Variants in ATP8A1 observed in about 807,000 individuals in gnomAD.
The protein encoded by ATP8A1 is phospholipid-transporting ATPase IA.
Under a neutral mutation model 177.7 loss-of-function variants are expected in ATP8A1, and 90 were observed. The observed-to-expected ratio is 0.51, with a 90% confidence interval of 0.43 to 0.60. The LOEUF (loss-of-function observed/expected upper bound fraction) is 0.60. ATP8A1 is among the 20% of genes least tolerant of loss of function. The pLI is 0.00. For missense variants in ATP8A1, 1,072 were observed against 1,392.8 expected, an observed-to-expected ratio of 0.77 and a Z score of 3.67; for synonymous variants, 493 against 485.9, an observed-to-expected ratio of 1.01 and a Z score of -0.19.
chr4:42,596,690 G>GA (rs946762139), intron 6 of ATP8A1, among the ~76,000 whole-genome samples: 19 of 143,348 alleles, frequency 1.3e-4, no homozygotes, highest in Admixed American at 5.5e-4. Flanking sequence ...AAAAAGAAAA[G>GA]AAAAAAGAAA....
At chr4:42,639,864 C>T (rs1563847) in intron 1 of ATP8A1, among the ~76,000 whole-genome samples, 50,007 of 152,160 alleles carry the variant, frequency 0.33, 8,750 homozygotes, top group African/African-American at 0.45. Flanking sequence ...TGTAGTATTT[C>T]AAATAACCTA....
chr4:42,419,580 C>A (rs1713630862), intron 35 of ATP8A1, among the ~76,000 whole-genome samples: 1 of 152,250 alleles, frequency 6.6e-6, no homozygotes, highest in African/African-American at 2.4e-5. Context: ...GGCTCCCAAA[C>A]AGGGGAACAG....
intron 1 of ATP8A1, among the ~76,000 whole-genome samples, chr4:42,642,603 ATG>A (rs1366178122): frequency 6.6e-6 from 1 of 152,156 alleles, no homozygotes; most frequent in Non-Finnish European, 1.5e-5. Context: ...ACACCTACAC[ATG>A]TGTGAGATTG....
chr4:42,424,318 T>A (rs866493741), intron 33 of ATP8A1, among the ~76,000 whole-genome samples: 59 of 152,190 alleles, frequency 3.9e-4, no homozygotes, highest in South Asian at 6.2e-4. Flanking sequence ...AATTCTATTA[T>A]TTATTTGCAA....
Position 42,425,548 on chromosome 4 carries a change from A to AT in ATP8A1, c.3124-1844dup, listed in dbSNP as rs1714502216. Reference sequence around the variant, plus strand: ...CATTAAAGACAGAGAGTCTCTTTGTATTTTTTGGATGAAGAGGGGGGGAAA... The same window carrying AT: ...CATTAAAGACAGAGAGTCTCTTTGTATTTTTTTGGATGAAGAGGGGGGGAAA... On this transcript the variant is annotated intron_variant, in intron 33 of 36. Coordinates refer to ENST00000381668, the MANE Select transcript of ATP8A1 (RefSeq NM_006095.2). Among the ~76,000 whole-genome samples, 4 of 152,118 alleles carry AT rather than the reference A, an allele frequency of 2.6e-5. No individual in the cohort carries two copies. In the South Asian group the frequency reaches 8.3e-4, roughly 32 times the overall value.
At chr4:42,635,760 C>CAT (rs761082956) in intron 1 of ATP8A1, among the ~76,000 whole-genome samples, 13,407 of 61,522 alleles carry the variant, frequency 0.22, 1,552 homozygotes, top group African/African-American at 0.34. Context: ...TATATACACA[C>CAT]ACACACACAC....
intron 1 of ATP8A1, among the ~76,000 whole-genome samples, chr4:42,639,640 T>C (rs1029346009): frequency 6.6e-6 from 1 of 152,220 alleles, no homozygotes; most frequent in Non-Finnish European, 1.5e-5. Context: ...TACATATATG[T>C]ATGTGTAGGT....
intron 31 of ATP8A1, among the ~76,000 whole-genome samples, chr4:42,446,154 A>G (rs747492412): frequency 6.6e-6 from 1 of 151,226 alleles, no homozygotes; most frequent in East Asian, 2.0e-4. Flanking sequence ...TGAGACCTGG[A>G]TACTGTAAAG....
chr4:42,424,449 G>A (rs906553714), intron 33 of ATP8A1, among the ~76,000 whole-genome samples: 1 of 151,930 alleles, frequency 6.6e-6, no homozygotes, highest in East Asian at 1.9e-4. Context: ...TTTATCAAGA[G>A]GAAATTTTTA....
intron 20 of ATP8A1, among the ~76,000 whole-genome samples, chr4:42,527,833 T>C (rs1726836302): frequency 6.6e-6 from 1 of 152,176 alleles, no homozygotes; most frequent in Non-Finnish European, 1.5e-5. Context: ...AGCCAGTTTA[T>C]AGACCCAGAA....
intron 1 of ATP8A1, among the ~76,000 whole-genome samples, chr4:42,636,158 G>A (rs2575544): frequency 0.08 from 1,885 of 23,640 alleles, 50 homozygotes; most frequent in African/African-American, 0.18. Flanking sequence ...ACACACACAC[G>A]CACACACACA....
chr4:42,636,156 A>ACACGCGCGTGCGCGCG (rs565139270), intron 1 of ATP8A1, among the ~76,000 whole-genome samples: 65 of 90,964 alleles, frequency 7.1e-4, no homozygotes, highest in South Asian at 4.2e-4. Flanking sequence ...ACACACACAC[A>ACACGCGCGTGCGCGCG]CGCACACACA....
intron 22 of ATP8A1, among the ~76,000 whole-genome samples, chr4:42,516,851 A>G (rs955730786): frequency 2.6e-5 from 4 of 152,230 alleles, no homozygotes; most frequent in Non-Finnish European, 5.9e-5. Flanking sequence ...AGAAGCTCAG[A>G]CCAAAAAGAA....
At chr4:42,509,572 G>C (rs563089759) in intron 22 of ATP8A1, among the ~76,000 whole-genome samples, 36 of 152,266 alleles carry the variant, frequency 2.4e-4, no homozygotes, top group African/African-American at 7.7e-4. Flanking sequence ...AAAAGTTATT[G>C]TTTCTTGGCC....
chr4:42,460,929 A>T (rs1014785376), intron 27 of ATP8A1, among the ~76,000 whole-genome samples: 1 of 152,200 alleles, frequency 6.6e-6, no homozygotes, highest in African/African-American at 2.4e-5. Context: ...AGCTTCTGAC[A>T]ATAAGAAGGC....
chr4:42,426,037 A>T (rs1397766533), intron 33 of ATP8A1, among the ~76,000 whole-genome samples: 1 of 152,210 alleles, frequency 6.6e-6, no homozygotes, highest in African/African-American at 2.4e-5. Flanking sequence ...AAAATAAACC[A>T]ACGCTGCCTG....
intron 34 of ATP8A1, 72 bp from the exon 35 acceptor site, chr4:42,422,971 CTTA>C (rs1714165408): frequency 8.5e-7 from 1 of 1,181,136 alleles, no homozygotes; most frequent in Non-Finnish European, 1.2e-6. Flanking sequence ...AGATGTCTGG[CTTA>C]TTATCACGCG....
intron 20 of ATP8A1, among the ~76,000 whole-genome samples, chr4:42,539,389 T>C (rs949772258): frequency 3.4e-5 from 3 of 89,340 alleles, no homozygotes; most frequent in Non-Finnish European, 7.4e-5. Flanking sequence ...AAAAATAAAA[T>C]AAAATACCCC....
intron 1 of ATP8A1, among the ~76,000 whole-genome samples, chr4:42,648,174 T>C (rs1740730295): frequency 6.6e-6 from 1 of 152,204 alleles, no homozygotes; most frequent in African/African-American, 2.4e-5. Flanking sequence ...ACATGTTTTT[T>C]AACTTGATTC....
Sources: gnomAD v4.1 joint callset for allele counts (sites outside exome capture counted in the v4.1 genomes callset) on GRCh38, gnomAD v4.1.1 for gene constraint, MANE v1.5 for transcripts, NCBI Gene and HGNC (gene_info 2026-07-23, HGNC 2026-07-21) for gene names.